Variants in CDH23 observed in about 807,000 individuals in gnomAD.
The protein encoded by CDH23 is cadherin related 23, also known as cadherin-23.
Under a neutral mutation model 317.1 loss-of-function variants are expected in CDH23, and 189 were observed. The observed-to-expected ratio is 0.60, with a 90% CI of 0.53 to 0.67. CDH23 has a LOEUF of 0.67. CDH23 is among the 30% of genes least tolerant of loss of function. The pLI is 0.00. For synonymous variants in CDH23, 1,839 were observed against 1,876.8 expected, an observed-to-expected ratio of 0.98 and a Z score of 0.52; for missense variants, 4,401 against 4,592.4, an observed-to-expected ratio of 0.96 and a Z score of 1.20.
At chr10:71,480,645 A>G (rs1852018957) in intron 3 of CDH23, among the ~76,000 whole-genome samples, 1 of 152,182 alleles carries the variant, frequency 6.6e-6, no homozygotes, top group Non-Finnish European at 1.5e-5. Flanking sequence ...CACATCAGGG[A>G]TGGCGTCCAC....
chr10:71,762,267 G>C (rs1273259311), intron 38 of CDH23, among the ~76,000 whole-genome samples: 1 of 152,244 alleles, frequency 6.6e-6, no homozygotes, highest in Non-Finnish European at 1.5e-5. Flanking sequence ...GACAGGGCAG[G>C]GAGAGACTTG....
chr10:71,527,843 T>C (rs923047199), intron 6 of CDH23, among the ~76,000 whole-genome samples: 2 of 152,172 alleles, frequency 1.3e-5, no homozygotes, highest in Non-Finnish European at 2.9e-5. Flanking sequence ...AGGGGACCCT[T>C]GCATGTCACT....
chr10:71,425,581 T>G (rs1849039994), intron 1 of CDH23, among the ~76,000 whole-genome samples: 1 of 152,154 alleles, frequency 6.6e-6, no homozygotes, highest in Non-Finnish European at 1.5e-5. Context: ...GGTTTGGAGC[T>G]CCTGTGTGGG....
chr10:71,751,174 G>A lies in CDH23; in HGVS notation c.4845+9253G>A. 4.0e-6 allele frequency: 6 copies of A among 1,504,758 alleles called. No individual in the cohort carries two copies. The highest frequency in any genetic ancestry group is 5.4e-6 in the Non-Finnish European group (6 of 1,105,330). 93.2% of individuals were successfully genotyped at this position (1,504,758 alleles called of 1,614,324 possible). A position where few individuals can be genotyped will look rare whatever the true frequency, so the allele number is the denominator to read the frequency against. ...AGGGAACCAGGGCCGAGGCCAAGGAGGCCACTCACAGAGCCAGCCCTGGCT... is the reference window on the plus strand; with the variant it reads ...AGGGAACCAGGGCCGAGGCCAAGGAAGCCACTCACAGAGCCAGCCCTGGCT... On this transcript the variant is annotated intron_variant, in intron 38 of 69. Coordinates refer to ENST00000224721, the MANE Select transcript of CDH23 (RefSeq NM_022124.6). This position sits in a 1 kb window ranked among gnomAD's most constrained non-coding sequence, Gnocchi z 4.9.
At chr10:71,692,979 A>G (rs1865241956) in intron 20 of CDH23, among the ~76,000 whole-genome samples, 1 of 152,240 alleles carries the variant, frequency 6.6e-6, no homozygotes, top group African/African-American at 2.4e-5. Flanking sequence ...CATTTTATAG[A>G]TGAGAAAACT....
chr10:71,548,085 A>C (rs1856383648), intron 6 of CDH23, among the ~76,000 whole-genome samples: 1 of 152,116 alleles, frequency 6.6e-6, no homozygotes. Context: ...TGGGCTCAGC[A>C]GTTGGCTCTA....
intron 1 of CDH23, among the ~76,000 whole-genome samples, chr10:71,428,139 C>CTTTT (rs112105182): frequency 3.0e-5 from 4 of 131,532 alleles, no homozygotes; most frequent in Non-Finnish European, 3.2e-5. Context: ...TTCTTTCTTT[C>CTTTT]TTTTTTTTTT....
At position 71,675,507 on chromosome 10, in the gene CDH23, C is replaced by T. The variant is rs140252917; in HGVS notation, c.1514+331C>T. Reference sequence around the variant, plus strand: ...CCGCCACCACCGCCAGCCGCAGTTACTACATGTCAGGCTCATGATGGCCAA... The same window carrying T: ...CCGCCACCACCGCCAGCCGCAGTTATTACATGTCAGGCTCATGATGGCCAA... On this transcript the variant is annotated intron_variant, in intron 15 of 69. Transcript: ENST00000224721. Among the ~76,000 whole-genome samples, 106 of 152,354 alleles carry T rather than the reference C, an allele frequency of 7.0e-4. 1 individual carries two copies. Among genetic ancestry groups the T allele is most frequent in the Non-Finnish European group, 1.2e-3 (81 of 68,032 alleles).
intron 15 of CDH23, 69 bp from the exon 16 acceptor site, chr10:71,677,387 G>T: frequency 7.9e-7 from 1 of 1,271,530 alleles, no homozygotes; most frequent in South Asian, 1.4e-5. Context: ...GCTGGGAAAT[G>T]CCGGCCCCAT....
Position 71,755,209 on chromosome 10 carries a change from A to T in CDH23, c.4845+13288A>T. ...CTCCTTTCTCTCGGCCATTTCGCCC[A>T]GCTCCTGGCGGGAAGTGCAGCTGCT... On this transcript the variant is annotated intron_variant, in intron 38 of 69. Transcript: ENST00000224721. The T allele has an allele frequency of 3.8e-6, 3 of 799,598 alleles. No individual in the cohort carries two copies. The South Asian group carries it at 4.6e-5, about 12-fold the overall frequency. The allele number at this position is 799,598 out of a possible 1,614,324, so 49.5% of individuals were successfully genotyped here.
intron 14 of CDH23, among the ~76,000 whole-genome samples, chr10:71,672,904 G>A (rs1452399525): frequency 6.6e-6 from 1 of 152,016 alleles, no homozygotes; most frequent in African/African-American, 2.4e-5. Context: ...ACCTTCTCCA[G>A]GGGCAGCACA....
At chr10:71,518,340 T>G (rs1589157088) in intron 6 of CDH23, among the ~76,000 whole-genome samples, 1 of 152,174 alleles carries the variant, frequency 6.6e-6, no homozygotes, top group Non-Finnish European at 1.5e-5. Context: ...TTTGCATGTA[T>G]TGTTTTGCAA....
chr10:71,655,082 TCCCTCACC>T (rs1446228842), intron 14 of CDH23, among the ~76,000 whole-genome samples: 7 of 152,064 alleles, frequency 4.6e-5, no homozygotes, highest in African/African-American at 1.5e-4. Flanking sequence ...TGCCACAATT[TCCCTCACC>T]TCCTCCTGGA....
chr10:71,703,104 C>T (rs892660458), intron 24 of CDH23, among the ~76,000 whole-genome samples: 1 of 152,132 alleles, frequency 6.6e-6, no homozygotes, highest in Non-Finnish European at 1.5e-5. Context: ...GTAGAGGGGC[C>T]TCTGTCTACT....
At chr10:71,438,692 G>A (rs1372342320) in intron 1 of CDH23, among the ~76,000 whole-genome samples, 1 of 152,218 alleles carries the variant, frequency 6.6e-6, no homozygotes, top group Non-Finnish European at 1.5e-5. Context: ...ACTGCCCTGT[G>A]TCTTTCCTGG....
At position 71,779,413 on chromosome 10, in the gene CDH23, G is replaced by C. The variant is rs546449796; in HGVS notation, c.5334G>C (p.Gln1778His). 1 of 1,612,616 alleles carries C rather than the reference G, an allele frequency of 6.2e-7. No individual in the cohort carries two copies. The highest frequency in any genetic ancestry group is 2.2e-5 in the East Asian group (1 of 44,832). The change falls in exon 41 of 70, where the codon CAG becomes CAC. Residue 1778 changes from glutamine (Q) to histidine (H), a missense_variant. Gln to His is a conservative substitution (Grantham distance 24). Around this residue, in one of 3 missense-constraint regions of CDH23, gnomAD observed 3,068 missense variants for 3,203.3 expected, o/e 0.96. Transcript: ENST00000224721. ...ACCGAGACTCAGGACCCAACGGGCA[G>C]GTGGAGTACAGCATCATGGATGGAG... ...AHDRDSGPNG[Q>H]VEYSIMDGDP...
At chr10:71,794,609 G>A (rs1841353521) in intron 48 of CDH23, 1 of 152,218 alleles carries the variant, frequency 6.6e-6, no homozygotes, top group Non-Finnish European at 1.5e-5. Context: ...ACATGGCTGT[G>A]ACAAAGCACT....
At chr10:71,415,040 A>G (rs1166103556) in intron 1 of CDH23, among the ~76,000 whole-genome samples, 1 of 152,218 alleles carries the variant, frequency 6.6e-6, no homozygotes, top group Non-Finnish European at 1.5e-5. Flanking sequence ...TCTCTATAGA[A>G]TCTACAGTGA....
chr10:71,662,589 C>T (rs893288808), intron 14 of CDH23, among the ~76,000 whole-genome samples: 3 of 152,178 alleles, frequency 2.0e-5, no homozygotes, highest in African/African-American at 7.2e-5. Flanking sequence ...GCCCCCTTCT[C>T]TCATCTCCTT....
Sources: allele counts gnomAD v4.1 joint callset (sites outside exome capture counted in the v4.1 genomes callset), GRCh38; gene constraint gnomAD v4.1.1; regional missense constraint gnomAD v4.1.1; non-coding constraint Gnocchi (gnomAD v3.1); transcripts MANE v1.5; gene names NCBI Gene and HGNC (gene_info 2026-07-23, HGNC 2026-07-21).